Variants in OR7E24 observed in about 807,000 individuals in gnomAD.
The protein encoded by OR7E24 is olfactory receptor family 7 subfamily E member 24.
For synonymous variants in OR7E24, 130 were observed against 157.5 expected, an observed-to-expected ratio of 0.83 and a Z score of 1.31; for missense variants, 385 against 410.3, an observed-to-expected ratio of 0.94 and a Z score of 0.53.
chr19:9,232,882 A>G, the OR7E24 span, among the ~76,000 whole-genome samples: 2 of 152,282 alleles, frequency 1.3e-5, no homozygotes, highest in Non-Finnish European at 2.9e-5. Flanking sequence ...AAGAAAAATG[A>G]TGAAAGAAAA....
upstream of OR7E24, among the ~76,000 whole-genome samples, chr19:9,246,625 G>C (rs1012883130): frequency 6.6e-6 from 1 of 151,976 alleles, no homozygotes; most frequent in African/African-American, 2.4e-5. Context: ...CAGATGACTG[G>C]AGAAACACAA....
the OR7E24 span, chr19:9,214,658 G>C: frequency 8.1e-6 from 13 of 1,614,044 alleles, no homozygotes; most frequent in Non-Finnish European, 1.1e-5. Flanking sequence ...AGAGGAAGAA[G>C]TACATGGGGG....
chr19:9,233,075 G>A, the OR7E24 span, among the ~76,000 whole-genome samples: 3 of 152,040 alleles, frequency 2.0e-5, no homozygotes, highest in East Asian at 5.8e-4. Flanking sequence ...GTGCAACCAG[G>A]CATTTCATCC....
the OR7E24 span, among the ~76,000 whole-genome samples, chr19:9,221,340 C>CCTTTTTT: frequency 1.2e-5 from 1 of 81,180 alleles, no homozygotes. Context: ...GTCTTTTGCC[C>CCTTTTTT]TTTTTTTTTT....
the OR7E24 span, chr19:9,235,020 G>T: frequency 1.9e-6 from 1 of 538,364 alleles, no homozygotes; most frequent in South Asian, 2.7e-5. Context: ...ATGGAATTAG[G>T]CTACCAAATG....
chr19:9,236,824 G>C, the OR7E24 span, among the ~76,000 whole-genome samples: 1 of 152,038 alleles, frequency 6.6e-6, no homozygotes, highest in Non-Finnish European at 1.5e-5. Context: ...ATTTGATTTT[G>C]CTCGTTATCC....
the OR7E24 span, chr19:9,235,926 T>A: frequency 2.5e-6 from 4 of 1,608,226 alleles, no homozygotes; most frequent in Non-Finnish European, 3.4e-6. Context: ...TCTATCTCAG[T>A]TCTGCTGTGA....
the OR7E24 span, among the ~76,000 whole-genome samples, chr19:9,231,276 T>A: frequency 6.6e-6 from 1 of 152,086 alleles, no homozygotes; most frequent in Non-Finnish European, 1.5e-5. Context: ...GTGGTTTCCT[T>A]TACTAGGTTA....
At chr19:9,232,772 T>C in the OR7E24 span, among the ~76,000 whole-genome samples, 2,219 of 152,204 alleles carry the variant, frequency 0.015, 60 homozygotes, top group African/African-American at 0.051. Context: ...TGTTTGTCTG[T>C]GTCCTTGATT....
chr19:9,214,951 C>G, the OR7E24 span: 1 of 631,988 alleles, frequency 1.6e-6, no homozygotes, highest in South Asian at 1.9e-5. Context: ...ATTTGTCACC[C>G]TTCCTGGAGT....
chr19:9,233,335 A>C, the OR7E24 span, among the ~76,000 whole-genome samples: 1 of 152,152 alleles, frequency 6.6e-6, no homozygotes, highest in Non-Finnish European at 1.5e-5. Flanking sequence ...CTAGGATGAC[A>C]TGATTTATGT....
chr19:9,235,292 G>T, the OR7E24 span: 1 of 1,288,582 alleles, frequency 7.8e-7, no homozygotes, highest in Non-Finnish European at 1.1e-6. Flanking sequence ...CTGGCCGTCA[G>T]CTCTGACTCC....
chr19:9,227,464 G>A, the OR7E24 span, among the ~76,000 whole-genome samples: 40 of 152,004 alleles, frequency 2.6e-4, no homozygotes, highest in Non-Finnish European at 5.0e-4. Context: ...TCTTGACCTC[G>A]TGATCCACAC....
chr19:9,227,292 C>T, the OR7E24 span, among the ~76,000 whole-genome samples: 12 of 151,398 alleles, frequency 7.9e-5, no homozygotes, highest in East Asian at 1.9e-4. Flanking sequence ...TGCAGTGGCA[C>T]GATCTCGGCT....
chr19:9,236,982 G>A, the OR7E24 span, among the ~76,000 whole-genome samples: 1 of 152,156 alleles, frequency 6.6e-6, no homozygotes, highest in Admixed American at 6.5e-5. Context: ...ATTTCTCAGA[G>A]GAAGAGATTG....
chr19:9,247,777 T>C (rs10410254), upstream of OR7E24, among the ~76,000 whole-genome samples: 31,790 of 152,028 alleles, frequency 0.21, 5,588 homozygotes, highest in African/African-American at 0.48. Flanking sequence ...ACTTGACAGG[T>C]TGTTTTGTTC....
chr19:9,226,406 G>A, the OR7E24 span, among the ~76,000 whole-genome samples: 2 of 152,298 alleles, frequency 1.3e-5, no homozygotes, highest in South Asian at 2.1e-4. Context: ...CGCACATTCC[G>A]TGTTTGTCCT....
chr19:9,235,342 TC>T, the OR7E24 span: 2 of 1,353,978 alleles, frequency 1.5e-6, no homozygotes, highest in Admixed American at 1.7e-5. Context: ...CTCCAACTTG[TC>T]CTTTGTGGAC....
At chr19:9,214,334 G>A in the OR7E24 span, 10 of 1,614,040 alleles carry the variant, frequency 6.2e-6, no homozygotes, top group Non-Finnish European at 7.6e-6. Context: ...TGCCTGTGGA[G>A]AAGGTCAACC....
Sources: gnomAD v4.1 joint callset for allele counts (sites outside exome capture counted in the v4.1 genomes callset) on GRCh38, gnomAD v4.1.1 for gene constraint, MANE v1.5 for transcripts, NCBI Gene and HGNC (gene_info 2026-07-23, HGNC 2026-07-21) for gene names.